The following CCDC148 variants were observed in gnomAD, a reference collection of about 807,000 sequenced individuals.
CCDC148 encodes the protein coiled-coil domain containing 148.
A neutral mutation model predicts 85.7 loss-of-function variants in CCDC148; 89 were observed. The ratio of observed to expected loss-of-function variants is 1.04; its 90% CI spans 0.87 to 1.24. The LOEUF (loss-of-function observed/expected upper bound fraction) is 1.24, where lower values mean the gene tolerates loss of function less well. CCDC148 is among the 50% of genes most tolerant of loss of function. CCDC148 has a pLI of 0.00. For synonymous variants in CCDC148, 230 were observed against 213.9 expected (o/e 1.08, Z -0.66); for missense variants, 692 against 671.7 (o/e 1.03, Z -0.33).
intron 5 of CCDC148, 148 bp from the exon 6 acceptor site, chr2:158,339,233 G>C: frequency 1.5e-6 from 1 of 645,352 alleles, no homozygotes; most frequent in South Asian, 2.0e-5. Flanking sequence ...CAGCCAGGTA[G>C]GCAGTGCTCA....
intron 1 of CCDC148, among the ~76,000 whole-genome samples, chr2:158,384,852 G>T (rs962547626): frequency 1.3e-5 from 2 of 152,156 alleles, no homozygotes; most frequent in Non-Finnish European, 2.9e-5. Flanking sequence ...AGTTCTGCAG[G>T]TTGGAAGTCT....
At chr2:158,278,787 C>T (rs184640696) in intron 9 of CCDC148, among the ~76,000 whole-genome samples, 1 of 152,392 alleles carries the variant, frequency 6.6e-6, no homozygotes, top group Non-Finnish European at 1.5e-5. Context: ...GTTCTCCCAG[C>T]ACGCGGATGG....
intron 10 of CCDC148, among the ~76,000 whole-genome samples, chr2:158,234,341 C>T (rs543420121): frequency 4.6e-5 from 7 of 152,222 alleles, no homozygotes; most frequent in African/African-American, 1.7e-4. Context: ...AATGGATCTC[C>T]TTTCAGTCTG....
chr2:158,333,627 T>C (rs1187234203), intron 7 of CCDC148, among the ~76,000 whole-genome samples: 2 of 152,092 alleles, frequency 1.3e-5, no homozygotes, highest in East Asian at 3.9e-4. Flanking sequence ...TGTTAAAGTC[T>C]CCACTATTAT....
intron 10 of CCDC148, chr2:158,235,686 C>T (rs1472058489): frequency 6.6e-6 from 1 of 152,168 alleles, no homozygotes; most frequent in East Asian, 1.9e-4. Flanking sequence ...AATTTCTCAT[C>T]TTTTATTCTT....
At chr2:158,241,497 G>C (rs548340114) in intron 10 of CCDC148, among the ~76,000 whole-genome samples, 1 of 152,178 alleles carries the variant, frequency 6.6e-6, no homozygotes, top group East Asian at 1.9e-4. Context: ...TTCTTGAGTG[G>C]ATGATCTCTT....
At chr2:158,305,960 T>C (rs762037945) in intron 9 of CCDC148, among the ~76,000 whole-genome samples, 4 of 151,998 alleles carry the variant, frequency 2.6e-5, no homozygotes, top group Non-Finnish European at 4.4e-5. Context: ...ACAAACAACA[T>C]GGGTGAATCT....
chr2:158,318,025 G>A (rs569669436), intron 7 of CCDC148, among the ~76,000 whole-genome samples: 70 of 152,180 alleles, frequency 4.6e-4, no homozygotes, highest in South Asian at 3.9e-3. Flanking sequence ...TGGCTGCATC[G>A]GGTCTGACCC....
rs70994204 is a variant in CCDC148 at position 158,412,826 on chromosome 2, TTTATTATTATTATTA to T, written c.25+43574_25+43588del. ...TTTGACCTTTATAGCAATATAAGTA[TTTATTATTATTATTA>T]TTATTATTATTATTATTATTATTAT... On this transcript the variant is annotated intron_variant, in intron 1 of 13. Transcript: ENST00000283233. 4.7e-3 allele frequency among the ~76,000 whole-genome samples: 651 copies of T among 138,910 alleles called. 5 individuals are homozygous for T. The highest frequency in any genetic ancestry group is 0.015 in the African/African-American group (570 of 39,208). The allele number at this position is 138,910 out of a possible 152,430, so 91.1% of individuals were successfully genotyped here. A position where few individuals can be genotyped will look rare whatever the true frequency, so the allele number is the denominator to read the frequency against.
intron 7 of CCDC148, among the ~76,000 whole-genome samples, chr2:158,332,261 T>G (rs567656274): frequency 6.6e-6 from 1 of 152,002 alleles, no homozygotes; most frequent in Admixed American, 6.5e-5. Context: ...CTCCTTCACT[T>G]ATGAAGCTTA....
chr2:158,281,271 G>A (rs7594761), intron 9 of CCDC148, among the ~76,000 whole-genome samples: 2 of 151,834 alleles, frequency 1.3e-5, no homozygotes, highest in African/African-American at 2.4e-5. Flanking sequence ...AAGAAATAAC[G>A]AAAATCAGAG....
chr2:158,437,085 C>A (rs558818125), intron 1 of CCDC148, among the ~76,000 whole-genome samples: 11 of 152,226 alleles, frequency 7.2e-5, no homozygotes, highest in Admixed American at 7.2e-4. Flanking sequence ...TGAAACTATT[C>A]CAAATAATAG....
chr2:158,246,464 C>G (rs569493947), intron 10 of CCDC148, among the ~76,000 whole-genome samples: 2 of 152,090 alleles, frequency 1.3e-5, no homozygotes, highest in African/African-American at 2.4e-5. Flanking sequence ...GCTGGACAAA[C>G]TATAACACAA....
intron 13 of CCDC148, 68 bp from the exon 14 acceptor site, chr2:158,172,327 C>A (rs1684356460): frequency 4.1e-6 from 5 of 1,216,274 alleles, no homozygotes; most frequent in Non-Finnish European, 5.8e-6. Flanking sequence ...CATTTAGTTC[C>A]ATGTTTTCCC....
intron 2 of CCDC148, among the ~76,000 whole-genome samples, chr2:158,354,485 G>A (rs1683512312): frequency 6.6e-6 from 1 of 151,800 alleles, no homozygotes; most frequent in Non-Finnish European, 1.5e-5. Context: ...TAGAAGAAAT[G>A]GATAAATTCC....
intron 9 of CCDC148, chr2:158,288,974 C>T: frequency 4.1e-6 from 1 of 243,768 alleles, no homozygotes; most frequent in Non-Finnish European, 8.1e-6. Context: ...AGCGGAAACC[C>T]CTGATAAATC....
chr2:158,332,977 A>T (rs1208735230), intron 7 of CCDC148, among the ~76,000 whole-genome samples: 2 of 152,110 alleles, frequency 1.3e-5, no homozygotes, highest in Non-Finnish European at 2.9e-5. Context: ...TTTTCAAAAA[A>T]AGCAGTTCCT....
chr2:158,179,361 G>T (rs540490619), intron 11 of CCDC148, among the ~76,000 whole-genome samples: 1 of 151,714 alleles, frequency 6.6e-6, no homozygotes, highest in African/African-American at 2.4e-5. Flanking sequence ...GTTTCACCAT[G>T]TTGGCCAGGA....
At chr2:158,185,095 G>A (rs144780655) in intron 11 of CCDC148, among the ~76,000 whole-genome samples, 1 of 152,292 alleles carries the variant, frequency 6.6e-6, no homozygotes, top group Non-Finnish European at 1.5e-5. Flanking sequence ...CCTCAGGACT[G>A]TTCCAAACTA....
Sources: allele counts gnomAD v4.1 joint callset (sites outside exome capture counted in the v4.1 genomes callset), GRCh38; gene constraint gnomAD v4.1.1; transcripts MANE v1.5; gene names NCBI Gene and HGNC (gene_info 2026-07-23, HGNC 2026-07-21).